ST8SIA5: variants seen among roughly 807,000 people sequenced by gnomAD.
The protein encoded by ST8SIA5 is alpha-2,8-sialyltransferase 8E.
In ST8SIA5, 24 loss-of-function variants were observed where a neutral mutation model predicts 40.2. That is an observed-to-expected ratio of 0.60 (90% CI 0.43 to 0.84). The LOEUF is 0.84. Ranked by LOEUF, ST8SIA5 falls within the 40% of genes least tolerant of loss-of-function variation. The pLI is 0.00. For synonymous variants in ST8SIA5, 198 were observed against 201.8 expected (o/e 0.98, Z 0.16); for missense variants, 465 against 498.5 (o/e 0.93, Z 0.64).
At chr18:46,692,365 G>GCCAGCCCCAGGA in intron 2 of ST8SIA5, 110 bp from the exon 3 acceptor site, 1 of 926,378 alleles carries the variant, frequency 1.1e-6, no homozygotes, top group Non-Finnish European at 1.7e-6. Flanking sequence ...CAGTCCTGGG[G>GCCAGCCCCAGGA]CTGGCCCTTG....
At chr18:46,715,202 A>G (rs931013369) in intron 1 of ST8SIA5, among the ~76,000 whole-genome samples, 3 of 152,196 alleles carry the variant, frequency 2.0e-5, no homozygotes, top group African/African-American at 7.2e-5. Flanking sequence ...TTTCTGCAGA[A>G]GAGAACATTG....
chr18:46,751,950 G>C (rs1338674031), intron 1 of ST8SIA5, among the ~76,000 whole-genome samples: 1 of 152,038 alleles, frequency 6.6e-6, no homozygotes, highest in Non-Finnish European at 1.5e-5. Context: ...CACGCACGAG[G>C]ATCCAGACCC....
At chr18:46,707,287 A>G (rs534724953) in intron 1 of ST8SIA5, among the ~76,000 whole-genome samples, 244 of 152,264 alleles carry the variant, frequency 1.6e-3, no homozygotes, top group African/African-American at 5.6e-3. Context: ...CTTATCCTAG[A>G]GTTATTGGGG....
intron 1 of ST8SIA5, among the ~76,000 whole-genome samples, chr18:46,717,138 C>T (rs2039800545): frequency 6.6e-6 from 1 of 152,202 alleles, no homozygotes; most frequent in Non-Finnish European, 1.5e-5. Flanking sequence ...GCACCGCTGC[C>T]TCCCCCTGCT....
At position 46,730,317 on chromosome 18, in the gene ST8SIA5, C is replaced by T; in HGVS notation, c.132-25653G>A. ...CCTCTTGAAGTCTCAGTTTTCTCAT[C>T]CGTCAAAGGGGATGAATAATCCTCA... On this transcript the variant is annotated intron_variant, in intron 1 of 6. Coordinates refer to ENST00000315087, the MANE Select transcript of ST8SIA5 (RefSeq NM_013305.6). The T allele has an allele frequency of 2.2e-6, 2 of 921,840 alleles. 1 individual carries two copies. The highest frequency in any genetic ancestry group is 1.1e-3 in the Middle Eastern group (2 of 1,794). The allele number at this position is 921,840 out of a possible 1,614,324, so 57.1% of individuals were successfully genotyped here.
At chr18:46,725,036 GA>G (rs2039901927) in intron 1 of ST8SIA5, among the ~76,000 whole-genome samples, 1 of 144,442 alleles carries the variant, frequency 6.9e-6, no homozygotes. Context: ...AGGAAGGAAG[GA>G]AGGAAGGAAG....
intron 1 of ST8SIA5, among the ~76,000 whole-genome samples, chr18:46,740,498 A>G (rs866965383): frequency 2.6e-5 from 4 of 152,188 alleles, no homozygotes; most frequent in African/African-American, 9.7e-5. Context: ...GCTAGTTACA[A>G]CAGACATAGA....
Position 46,692,216 on chromosome 18 carries a change from G to A in ST8SIA5, c.264C>T (p.Leu88=). The part of the protein sequence containing the change: ...QSELFDRWKS[L]QMCKWAMNIS... ...TGTTCATCGCCCATTTGCACATCTG[G>A]AGGCTCTTCCACCTGTCGAACAGCT... Residue 88 remains leucine, a synonymous_variant, in exon 3 of 7, where the codon CTC becomes CTT. Coordinates refer to ENST00000315087, the MANE Select transcript of ST8SIA5 (RefSeq NM_013305.6). 1 of 1,614,064 alleles carries A rather than the reference G, an allele frequency of 6.2e-7. No homozygotes were observed.
At chr18:46,750,655 T>G (rs1035452509) in intron 1 of ST8SIA5, among the ~76,000 whole-genome samples, 1 of 152,122 alleles carries the variant, frequency 6.6e-6, no homozygotes, top group African/African-American at 2.4e-5. Context: ...ATGCCACAGT[T>G]GGCCACTCTC....
chr18:46,681,762 C>T (rs528256020), intron 6 of ST8SIA5, among the ~76,000 whole-genome samples: 115 of 152,298 alleles, frequency 7.6e-4, no homozygotes, highest in Non-Finnish European at 1.3e-3. Flanking sequence ...CCCACTATTT[C>T]GAAAATACTA....
chr18:46,692,365 G>A, intron 2 of ST8SIA5, 110 bp from the exon 3 acceptor site: 1 of 926,374 alleles, frequency 1.1e-6, no homozygotes, highest in Non-Finnish European at 1.7e-6. Context: ...CAGTCCTGGG[G>A]CTGGCCCTTG....
chr18:46,751,517 C>T (rs1022359020), intron 1 of ST8SIA5, among the ~76,000 whole-genome samples: 7 of 152,072 alleles, frequency 4.6e-5, no homozygotes, highest in Non-Finnish European at 1.0e-4. Flanking sequence ...GTGCCTCAGC[C>T]TCCTGAGTAG....
At chr18:46,727,729 G>A (rs71364565) in intron 1 of ST8SIA5, among the ~76,000 whole-genome samples, 4,461 of 152,270 alleles carry the variant, frequency 0.029, 99 homozygotes, top group Non-Finnish European at 0.046. Flanking sequence ...ATTGTGAAGA[G>A]CAGAGAAAGT....
intron 1 of ST8SIA5, among the ~76,000 whole-genome samples, chr18:46,720,599 C>A (rs969343788): frequency 5.3e-5 from 8 of 152,172 alleles, no homozygotes; most frequent in Non-Finnish European, 1.2e-4. Context: ...AAGCCTCTCT[C>A]TCAGGGAAAC....
At position 46,677,290 on chromosome 18, in the gene ST8SIA5, C is replaced by CTGGGTGCAGTTCCCTCCAT. The variant is rs2039345603; in HGVS notation, c.*2733_*2751dup. On this transcript the variant is annotated 3_prime_UTR_variant, in exon 7 of 7. Coordinates refer to ENST00000315087, the MANE Select transcript of ST8SIA5 (RefSeq NM_013305.6). The stretch of plus-strand genomic sequence containing the variant: ...GCACAGACTTTGGGGCTCTACAGAT[C>CTGGGTGCAGTTCCCTCCAT]TGGGTGCAGTTCCCTCCATTGGGTG... 1 of 6,214 alleles carries CTGGGTGCAGTTCCCTCCAT rather than the reference C, an allele frequency of 1.6e-4. No homozygotes were observed. Among genetic ancestry groups the CTGGGTGCAGTTCCCTCCAT allele is most frequent in the Non-Finnish European group, 3.9e-4 (1 of 2,554 alleles). 0.4% of individuals were successfully genotyped at this position (6,214 alleles called of 1,614,324 possible).
At chr18:46,701,082 G>A (rs1236918121) in intron 2 of ST8SIA5, among the ~76,000 whole-genome samples, 1 of 147,242 alleles carries the variant, frequency 6.8e-6, no homozygotes. Flanking sequence ...GTATGCTTAG[G>A]TCCTAACCCC....
chr18:46,690,183 A>G (rs966193728), intron 3 of ST8SIA5, among the ~76,000 whole-genome samples: 1 of 152,220 alleles, frequency 6.6e-6, no homozygotes, highest in Non-Finnish European at 1.5e-5. Context: ...AGTGACTGAT[A>G]TACAAACCAG....
intron 1 of ST8SIA5, among the ~76,000 whole-genome samples, chr18:46,724,845 G>A (rs565303625): frequency 2.0e-4 from 31 of 152,090 alleles, no homozygotes; most frequent in Middle Eastern, 3.4e-3. Context: ...ATGGTGGTGC[G>A]TGCCTGTAAT....
At chr18:46,682,499 C>T (rs1212798741) in intron 5 of ST8SIA5, among the ~76,000 whole-genome samples, 3 of 152,196 alleles carry the variant, frequency 2.0e-5, no homozygotes, top group Non-Finnish European at 2.9e-5. Context: ...CATAAACATG[C>T]GATATGTTCG....
Sources: allele counts gnomAD v4.1 joint callset (sites outside exome capture counted in the v4.1 genomes callset), GRCh38; gene constraint gnomAD v4.1.1; transcripts MANE v1.5; gene names NCBI Gene and HGNC (gene_info 2026-07-23, HGNC 2026-07-21).